The following WDR11 variants were observed in gnomAD, a reference collection of about 807,000 sequenced individuals.
The protein encoded by WDR11 is WD repeat-containing protein 11.
A neutral mutation model predicts 151.2 loss-of-function variants in WDR11; 83 were observed. That is an observed-to-expected ratio of 0.55 (90% CI 0.46 to 0.66). The LOEUF (loss-of-function observed/expected upper bound fraction) is 0.66, where lower values mean the gene tolerates loss of function less well. Ranked by LOEUF, WDR11 falls within the 30% of genes least tolerant of loss-of-function variation. The probability of loss-of-function intolerance (pLI) is 0.00; values close to 1 mark genes in which losing one functional copy is unlikely to be tolerated. For missense variants in WDR11, 1,301 were observed against 1,480.9 expected, an observed-to-expected ratio of 0.88 and a Z score of 1.99; for synonymous variants, 484 against 533.1, an observed-to-expected ratio of 0.91 and a Z score of 1.27.
At chr10:120,857,372 G>T (rs1845984229) in intron 2 of WDR11, among the ~76,000 whole-genome samples, 1 of 152,084 alleles carries the variant, frequency 6.6e-6, no homozygotes, top group African/African-American at 2.4e-5. Context: ...TTGATTTTGA[G>T]GTTGCAAATT....
At chr10:120,894,516 T>A (rs561050602) in intron 19 of WDR11, among the ~76,000 whole-genome samples, 1 of 152,170 alleles carries the variant, frequency 6.6e-6, no homozygotes. Context: ...GTTCCTTAGC[T>A]CTCTTTTTCA....
intron 23 of WDR11, among the ~76,000 whole-genome samples, chr10:120,903,500 ACT>A (rs1353499699): frequency 6.8e-5 from 10 of 146,240 alleles, no homozygotes; most frequent in African/African-American, 1.3e-4. Context: ...ACAGAGCAAG[ACT>A]CTGTCTCCAA....
chr10:120,851,603 C>T, intron 1 of WDR11, 97 bp downstream of exon 1: 6 of 1,469,392 alleles, frequency 4.1e-6, no homozygotes, highest in Non-Finnish European at 5.6e-6. Flanking sequence ...TTAGTTTGGC[C>T]TCGCTAAGGC....
chr10:120,896,527 C>CCA (rs1004448289), intron 19 of WDR11, among the ~76,000 whole-genome samples: 20 of 151,770 alleles, frequency 1.3e-4, no homozygotes, highest in Admixed American at 4.6e-4. Context: ...GGTAACATAA[C>CCA]CACACACACA....
At chr10:120,894,893 T>C (rs7901742) in intron 19 of WDR11, among the ~76,000 whole-genome samples, 56,616 of 151,900 alleles carry the variant, frequency 0.37, 10,642 homozygotes, top group Admixed American at 0.44. Flanking sequence ...GATCTTTACC[T>C]TTCAGAAGAA....
At chr10:120,887,433 G>A (rs181321031) in intron 16 of WDR11, among the ~76,000 whole-genome samples, 3 of 152,190 alleles carry the variant, frequency 2.0e-5, no homozygotes, top group Admixed American at 6.5e-5. Context: ...AATTAATGCA[G>A]GCTATTATAA....
chr10:120,862,209 C>T (rs1250965345), intron 4 of WDR11, among the ~76,000 whole-genome samples: 3 of 151,362 alleles, frequency 2.0e-5, no homozygotes, highest in African/African-American at 4.9e-5. Flanking sequence ...GGCACTATCT[C>T]GGCTCACTGC....
Position 120,866,677 on chromosome 10 carries a change from AGAATGCAGCCG to A in WDR11, c.1104_1114del (p.Glu368AspfsTer6). 1 of 1,614,198 alleles carries A rather than the reference AGAATGCAGCCG, an allele frequency of 6.2e-7. No homozygotes were observed. Among genetic ancestry groups the A allele is most frequent in the Non-Finnish European group, 8.5e-7 (1 of 1,180,042 alleles). On this transcript the variant is annotated frameshift_variant, in exon 8 of 29. Coordinates refer to ENST00000263461, the MANE Select transcript of WDR11 (RefSeq NM_018117.12). LOFTEE classifies it high-confidence loss of function. ...AGTATGGTGTGCTGTCCTGTCAATG[AGAATGCAGCCG>A]CCCTCGTAGTGAGTGATGGCAGGGT...
At position 120,869,660 on chromosome 10, in the gene WDR11, T is replaced by G. The variant is rs1846458534; in HGVS notation, c.1295-1510T>G. Among the ~76,000 whole-genome samples the G allele has an allele frequency of 2.0e-5, 3 of 152,192 alleles. No homozygotes were observed. In the South Asian group the frequency reaches 6.2e-4, roughly 31 times the overall value. On this transcript the variant is annotated intron_variant, in intron 9 of 28. Transcript: ENST00000263461. The stretch of plus-strand genomic sequence containing the variant: ...TATTAAGGCCTAATTTGCCCTACAT[T>G]GTGAATTGCCTCTTATGAAAAATAC...
chr10:120,894,125 C>T (rs1847521065), intron 19 of WDR11, among the ~76,000 whole-genome samples: 1 of 151,788 alleles, frequency 6.6e-6, no homozygotes, highest in Non-Finnish European at 1.5e-5. Flanking sequence ...CCTAGGTTTT[C>T]TTCTAGGGTT....
intron 22 of WDR11, 65 bp from the exon 23 acceptor site, chr10:120,902,990 A>C: frequency 6.5e-7 from 1 of 1,534,056 alleles, no homozygotes; most frequent in South Asian, 1.1e-5. Context: ...CCCTCAGTCT[A>C]CTCTAGGAAG....
intron 11 of WDR11, among the ~76,000 whole-genome samples, chr10:120,874,712 C>T (rs1352871746): frequency 1.3e-5 from 2 of 151,990 alleles, no homozygotes; most frequent in Non-Finnish European, 2.9e-5. Context: ...CTTCCAGCTC[C>T]ATCCATATCC....
At chr10:120,861,714 C>A (rs550568284) in intron 4 of WDR11, among the ~76,000 whole-genome samples, 9 of 152,246 alleles carry the variant, frequency 5.9e-5, no homozygotes, top group African/African-American at 2.2e-4. Context: ...TTTAGAGCAG[C>A]CTTGCTAAGG....
At chr10:120,867,672 TTC>T (rs1383387231) in intron 9 of WDR11, among the ~76,000 whole-genome samples, 1 of 152,236 alleles carries the variant, frequency 6.6e-6, no homozygotes, top group Non-Finnish European at 1.5e-5. Flanking sequence ...GGTTTTTTTC[TTC>T]TGTTTCATCT....
rs1018366245 is a variant in WDR11, at chr10:120,906,946, A to G, written c.3517+91A>G. Reference sequence around the variant, plus strand: ...CCTTAGTTGTGCTGCCTGGACAGGAACTATATTATATTGTGAAAGATCCAT... The same window carrying G: ...CCTTAGTTGTGCTGCCTGGACAGGAGCTATATTATATTGTGAAAGATCCAT... On this transcript the variant is annotated intron_variant, in intron 28 of 28. Coordinates refer to ENST00000263461, the MANE Select transcript of WDR11 (RefSeq NM_018117.12). 76 of 1,553,382 alleles carry G rather than the reference A, an allele frequency of 4.9e-5. 1 individual carries two copies. The highest frequency in any genetic ancestry group is 2.5e-5 in the Non-Finnish European group (28 of 1,127,738).
chr10:120,880,671 G>A (rs199521117), intron 12 of WDR11, 155 bp from the exon 13 acceptor site: 39 of 709,344 alleles, frequency 5.5e-5, no homozygotes, highest in African/African-American at 7.3e-5. Context: ...AAAAAAACCC[G>A]AAAAAACAGA....
Position 120,862,894 on chromosome 10 carries a change from A to G in WDR11, c.686A>G (p.Lys229Arg), listed in dbSNP as rs771463947. The G allele has an allele frequency of 1.2e-6, 2 of 1,613,552 alleles. No homozygotes were observed. The highest frequency in any genetic ancestry group is 2.7e-5 in the African/African-American group (2 of 74,882). ...TGAKKALNKV[K>R]ILITQEKPSA... ...GCCAAGAAAGCTCTAAATAAAGTAA[A>G]AATTTTAATCACTCAAGAGAAACCT... Residue 229 changes from lysine to arginine, a missense_variant, in exon 5 of 29, where the codon AAA becomes AGA. Around this residue, in one of 3 missense-constraint regions of WDR11, gnomAD observed 692 missense variants for 762.5 expected, o/e 0.91. Coordinates refer to ENST00000263461, the MANE Select transcript of WDR11 (RefSeq NM_018117.12).
chr10:120,870,001 G>A (rs1846477583), intron 9 of WDR11, among the ~76,000 whole-genome samples: 1 of 152,014 alleles, frequency 6.6e-6, no homozygotes, highest in African/African-American at 2.4e-5. Flanking sequence ...TGTTGACCAG[G>A]ATGGTCTCAA....
At chr10:120,889,756 G>GC in intron 17 of WDR11, 139 bp from the exon 18 acceptor site, 3 of 704,262 alleles carry the variant, frequency 4.3e-6, no homozygotes, top group Non-Finnish European at 7.7e-6. Flanking sequence ...GTCAGATGTG[G>GC]CCCCCAGTCC....
Sources: gnomAD v4.1 joint callset for allele counts (sites outside exome capture counted in the v4.1 genomes callset) on GRCh38, gnomAD v4.1.1 for gene constraint, gnomAD v4.1.1 regional missense constraint, MANE v1.5 for transcripts, NCBI Gene and HGNC (gene_info 2026-07-23, HGNC 2026-07-21) for gene names.